Variants in TMEM62 observed in about 807,000 individuals in gnomAD.
TMEM62 encodes transmembrane protein 62.
TMEM62 carries 41 observed loss-of-function variants against 70.4 expected under a neutral mutation model. The observed-to-expected ratio is 0.58, with a 90% CI of 0.45 to 0.76. The LOEUF (loss-of-function observed/expected upper bound fraction) is 0.76. Among genes scored for constraint, TMEM62 ranks in the 30% least tolerant of loss-of-function variants. The pLI, the probability that TMEM62 is intolerant of heterozygous loss-of-function variation, is 0.00. For missense variants in TMEM62, 688 were observed against 788.5 expected, an observed-to-expected ratio of 0.87 and a Z score of 1.53; for synonymous variants, 268 against 291.0, an observed-to-expected ratio of 0.92 and a Z score of 0.80.
intron 4 of TMEM62, among the ~76,000 whole-genome samples, chr15:43,142,369 T>G (rs2036148842): frequency 1.3e-5 from 2 of 152,016 alleles, no homozygotes; most frequent in South Asian, 4.2e-4. Flanking sequence ...TTCACCATAT[T>G]GGCCAGGCTG....
chr15:43,163,692 G>C (rs1397045800), intron 10 of TMEM62, among the ~76,000 whole-genome samples: 1 of 151,960 alleles, frequency 6.6e-6, no homozygotes, highest in Non-Finnish European at 1.5e-5. Flanking sequence ...TGAGGCAGGA[G>C]AATGGCGTGA....
intron 13 of TMEM62, among the ~76,000 whole-genome samples, chr15:43,182,374 T>G (rs756144491): frequency 6.6e-6 from 1 of 152,000 alleles, no homozygotes; most frequent in African/African-American, 2.4e-5. Flanking sequence ...CTGACCCAAG[T>G]CCAGAATATT....
chr15:43,152,862 G>T (rs1232938147), intron 8 of TMEM62, among the ~76,000 whole-genome samples: 1 of 152,158 alleles, frequency 6.6e-6, no homozygotes, highest in African/African-American at 2.4e-5. Context: ...AGGGTAATGG[G>T]ATTTTAAGTA....
Position 43,152,615 on chromosome 15 carries a change from G to A in TMEM62, c.1022+670G>A, listed in dbSNP as rs1320655836. On this transcript the variant is annotated intron_variant, in intron 8 of 13. Transcript: ENST00000260403. ...TCACCGCGTTGGCCAGGCTGGTCTC[G>A]AACTCCTGACCTCAAGGGATCCGCC... 2.6e-5 allele frequency among the ~76,000 whole-genome samples: 4 copies of A among 152,014 alleles called. No homozygotes were observed. In the South Asian group the frequency reaches 6.2e-4, roughly 24 times the overall value.
At chr15:43,141,115 G>T (rs895849406) in intron 4 of TMEM62, among the ~76,000 whole-genome samples, 1 of 152,180 alleles carries the variant, frequency 6.6e-6, no homozygotes, top group Non-Finnish European at 1.5e-5. Context: ...CTGTCTCTGG[G>T]TGCCCCATCT....
intron 12 of TMEM62, among the ~76,000 whole-genome samples, chr15:43,179,153 A>G (rs1231465067): frequency 6.6e-6 from 1 of 152,158 alleles, no homozygotes. Flanking sequence ...AGTTCCAGCT[A>G]CTTGGGGGCT....
chr15:43,134,415 T>C (rs1174718575), intron 2 of TMEM62, 47 bp downstream of exon 2: 2 of 1,456,260 alleles, frequency 1.4e-6, no homozygotes, highest in South Asian at 1.1e-5. Flanking sequence ...GTCCGCATGG[T>C]AGAACTCTAG....
chr15:43,159,762 C>T (rs141551007), intron 9 of TMEM62, among the ~76,000 whole-genome samples: 507 of 152,208 alleles, frequency 3.3e-3, no homozygotes, highest in African/African-American at 0.012. Flanking sequence ...AGCTGTTTCC[C>T]TAAAGAGCAC....
At chr15:43,165,215 T>A (rs1423281413) in intron 10 of TMEM62, among the ~76,000 whole-genome samples, 1 of 152,028 alleles carries the variant, frequency 6.6e-6, no homozygotes, top group African/African-American at 2.4e-5. Flanking sequence ...CTGTTGAGGC[T>A]GTTTTCTAGA....
intron 1 of TMEM62, 78 bp from the exon 2 acceptor site, chr15:43,134,179 A>C: frequency 6.5e-7 from 1 of 1,531,360 alleles, no homozygotes; most frequent in South Asian, 1.1e-5. Flanking sequence ...CTTCTGCCCG[A>C]GAGAGCCGCT....
Position 43,181,277 on chromosome 15 carries a change from C to A in TMEM62, c.1583C>A (p.Thr528Lys), listed in dbSNP as rs551716295. Reference sequence around the variant, plus strand: ...GGACATTTCCTACAAGGCAGCATAACATTTATAATTGGAATTCTCCAGGTA... The same window carrying A: ...GGACATTTCCTACAAGGCAGCATAAAATTTATAATTGGAATTCTCCAGGTA... The part of the protein sequence containing the change: ...VNGHFLQGSI[T>K]FIIGILQLAF... The change falls in exon 13 of 14, where the codon ACA (threonine) becomes AAA (lysine). Residue 528 changes from threonine (T) to lysine (K), a missense_variant. Physicochemically the swap from Thr to Lys is moderately conservative, Grantham distance 78. Coordinates refer to ENST00000260403, the MANE Select transcript of TMEM62 (RefSeq NM_024956.4). 1 of 1,611,680 alleles carries A rather than the reference C, an allele frequency of 6.2e-7. No homozygotes were observed. The highest frequency in any genetic ancestry group is 1.1e-5 in the South Asian group (1 of 90,998).
chr15:43,177,400 G>C (rs2040866888), intron 11 of TMEM62, among the ~76,000 whole-genome samples: 1 of 152,102 alleles, frequency 6.6e-6, no homozygotes. Flanking sequence ...TACACTGTTG[G>C]TGGGACTGTA....
chr15:43,181,346 C>G (rs2041311503), intron 13 of TMEM62, 47 bp downstream of exon 13: 1 of 1,189,334 alleles, frequency 8.4e-7, no homozygotes, highest in African/African-American at 1.5e-5. Flanking sequence ...ACTTGTCAGA[C>G]TAATTGCATA....
chr15:43,133,834 CG>C lies in TMEM62; in HGVS notation c.36del (p.Leu13TrpfsTer54). MAAVLALRVVAGLAAAALVAM... is the reference protein window; with the variant it reads MAAVLALRVVXGLAAAALVAM... ...GCAGTGCTGGCTCTCAGGGTGGTCG[CG>C]GGGTTGGCGGCCGCAGCGCTGGTGG... On this transcript the variant is annotated frameshift_variant, in exon 1 of 14. Transcript: ENST00000260403. LOFTEE classifies it high-confidence loss of function. The C allele has an allele frequency of 6.9e-7, 1 of 1,455,058 alleles. No homozygotes were observed. Among genetic ancestry groups the C allele is most frequent in the Non-Finnish European group, 9.0e-7 (1 of 1,110,876 alleles). 90.1% of individuals were successfully genotyped at this position (1,455,058 alleles called of 1,614,324 possible).
At chr15:43,161,469 A>G (rs1199042164) in intron 10 of TMEM62, among the ~76,000 whole-genome samples, 1 of 151,612 alleles carries the variant, frequency 6.6e-6, no homozygotes, top group Non-Finnish European at 1.5e-5. Context: ...CACATCAATA[A>G]TATATGCTCA....
chr15:43,167,577 A>G (rs1200553334), intron 10 of TMEM62, among the ~76,000 whole-genome samples: 13 of 151,220 alleles, frequency 8.6e-5, no homozygotes, highest in Admixed American at 8.6e-4. Flanking sequence ...GCGGCCGGGA[A>G]GAGGCGCTCC....
chr15:43,176,833 C>T (rs577111867), intron 11 of TMEM62, among the ~76,000 whole-genome samples: 15 of 152,076 alleles, frequency 9.9e-5, no homozygotes, highest in South Asian at 2.1e-4. Context: ...CAAAGCTGGA[C>T]GGAGAATGAC....
At chr15:43,180,958 G>T (rs2041274345) in intron 12 of TMEM62, 3 of 481,744 alleles carry the variant, frequency 6.2e-6, no homozygotes. Flanking sequence ...TCTGTTCTAG[G>T]TATAGTGTCT....
At chr15:43,148,952 T>C in intron 6 of TMEM62, 73 bp downstream of exon 6, 1 of 1,602,854 alleles carries the variant, frequency 6.2e-7, no homozygotes, top group South Asian at 1.1e-5. Context: ...ATTCTGCTTT[T>C]CTGGCAAGAC....
Sources: gnomAD v4.1 joint callset for allele counts (sites outside exome capture counted in the v4.1 genomes callset) on GRCh38, gnomAD v4.1.1 for gene constraint, MANE v1.5 for transcripts, NCBI Gene and HGNC (gene_info 2026-07-23, HGNC 2026-07-21) for gene names.